SNTG1: variants seen among roughly 807,000 people sequenced by gnomAD.
SNTG1 encodes gamma-1-syntrophin.
A neutral mutation model predicts 74.7 loss-of-function variants in SNTG1; 39 were observed. The observed-to-expected ratio is 0.52, with a 90% CI of 0.40 to 0.68. The LOEUF (loss-of-function observed/expected upper bound fraction) is 0.68. Among genes scored for constraint, SNTG1 ranks in the 30% least tolerant of loss-of-function variants. The pLI, the probability that SNTG1 is intolerant of heterozygous loss-of-function variation, is 0.00. For missense variants in SNTG1, 685 were observed against 609.5 expected (o/e 1.12, Z -1.30); for synonymous variants, 254 against 217.1 (o/e 1.17, Z -1.49).
intron 2 of SNTG1, among the ~76,000 whole-genome samples, chr8:50,357,539 A>G (rs1436737989): frequency 6.6e-6 from 1 of 152,224 alleles, no homozygotes; most frequent in African/African-American, 2.4e-5. Context: ...CCTGTTACCA[A>G]GATGAATAGA....
intron 2 of SNTG1, among the ~76,000 whole-genome samples, chr8:50,179,847 C>T (rs2083136567): frequency 6.6e-6 from 1 of 152,120 alleles, no homozygotes; most frequent in Non-Finnish European, 1.5e-5. Context: ...TAAATTGGAA[C>T]AGCTATTGTG....
At chr8:50,315,653 A>C (rs1259299680) in intron 2 of SNTG1, among the ~76,000 whole-genome samples, 1 of 142,142 alleles carries the variant, frequency 7.0e-6, no homozygotes, top group Non-Finnish European at 1.5e-5. Context: ...GCATACTTCA[A>C]GTATGTAGTG....
chr8:49,995,120 A>C (rs1814084308), intron 1 of SNTG1, among the ~76,000 whole-genome samples: 1 of 152,206 alleles, frequency 6.6e-6, no homozygotes, highest in South Asian at 2.1e-4. Flanking sequence ...TAAGAGAAGA[A>C]GAAATAATCA....
chr8:50,086,701 A>G (rs1050061500), intron 1 of SNTG1, among the ~76,000 whole-genome samples: 6 of 152,154 alleles, frequency 3.9e-5, no homozygotes, highest in Admixed American at 6.6e-5. Context: ...GTTCATAACT[A>G]GAGACATGGA....
chr8:49,955,964 T>C (rs1451383913), intron 1 of SNTG1, among the ~76,000 whole-genome samples: 1 of 152,200 alleles, frequency 6.6e-6, no homozygotes, highest in African/African-American at 2.4e-5. Flanking sequence ...TTCTATGCCA[T>C]GTTTCTTCTG....
At chr8:50,319,682 A>G (rs895292141) in intron 2 of SNTG1, among the ~76,000 whole-genome samples, 1 of 152,140 alleles carries the variant, frequency 6.6e-6, no homozygotes, top group Non-Finnish European at 1.5e-5. Flanking sequence ...GTTTTTCCCC[A>G]TTCAGTATGA....
chr8:49,989,432 T>C (rs943518951), intron 1 of SNTG1, among the ~76,000 whole-genome samples: 42 of 151,972 alleles, frequency 2.8e-4, no homozygotes, highest in Non-Finnish European at 5.9e-4. Flanking sequence ...ATATAAGCAG[T>C]TAACAGATTG....
intron 2 of SNTG1, among the ~76,000 whole-genome samples, chr8:50,291,549 G>C (rs2089110861): frequency 6.6e-6 from 1 of 152,142 alleles, no homozygotes; most frequent in Non-Finnish European, 1.5e-5. Flanking sequence ...ATGACCTCAG[G>C]AAAGTTGCAG....
intron 4 of SNTG1, among the ~76,000 whole-genome samples, chr8:50,409,817 A>C (rs949254587): frequency 6.6e-6 from 1 of 151,730 alleles, no homozygotes; most frequent in Non-Finnish European, 1.5e-5. Context: ...CAAGATGGCT[A>C]TCTATTTCCC....
intron 3 of SNTG1, 58 bp downstream of exon 3, chr8:50,394,323 C>T: frequency 6.4e-7 from 1 of 1,554,734 alleles, no homozygotes; most frequent in East Asian, 2.3e-5. Context: ...GCGGGAAACA[C>T]TTGGCTCCAA....
At chr8:50,699,021 G>A (rs2095414506) in intron 15 of SNTG1, among the ~76,000 whole-genome samples, 1 of 152,064 alleles carries the variant, frequency 6.6e-6, no homozygotes, top group Non-Finnish European at 1.5e-5. Flanking sequence ...TTCTCTCTTG[G>A]ATAATATGTT....
intron 13 of SNTG1, among the ~76,000 whole-genome samples, chr8:50,638,209 G>T (rs1223926273): frequency 6.6e-6 from 1 of 152,018 alleles, no homozygotes; most frequent in Non-Finnish European, 1.5e-5. Flanking sequence ...TTCTTGAATG[G>T]AATGAAGCCT....
At position 49,978,910 on chromosome 8, in the gene SNTG1, C is replaced by T. The variant is rs74477334; in HGVS notation, c.-103+66679C>T. ...AGTCCTGGGTCTGCCTGACCCTAGA[C>T]GTCAGTGTCACTAACCACTATGTTA... On this transcript the variant is annotated intron_variant, in intron 1 of 18. Transcript: ENST00000642720. Among the ~76,000 whole-genome samples, 1,128 of 152,212 alleles carry T rather than the reference C, an allele frequency of 7.4e-3. 16 individuals carry two copies. Among genetic ancestry groups the T allele is most frequent in the African/African-American group, 0.025 (1,056 of 41,542 alleles).
chr8:50,364,029 A>G lies in SNTG1; in HGVS notation c.-27-30183A>G, dbSNP rs568084239. 4.6e-5 allele frequency among the ~76,000 whole-genome samples: 7 copies of G among 152,282 alleles called. No individual in the cohort carries two copies. The South Asian group carries it at 6.2e-4, about 14-fold the overall frequency. On this transcript the variant is annotated intron_variant, in intron 2 of 18. Transcript: ENST00000642720. ...TGCACCAATCCCTGAGGCCCTCCCT[A>G]TGACACCAACCTGGAAGCTCTCAGA...
At chr8:50,249,247 C>T (rs2086536480) in intron 2 of SNTG1, among the ~76,000 whole-genome samples, 1 of 152,186 alleles carries the variant, frequency 6.6e-6, no homozygotes, top group East Asian at 1.9e-4. Context: ...AACCCATCCC[C>T]AGGGCAGGAG....
intron 2 of SNTG1, among the ~76,000 whole-genome samples, chr8:50,331,481 T>C (rs985953205): frequency 2.6e-5 from 4 of 152,106 alleles, no homozygotes; most frequent in Admixed American, 6.5e-5. Context: ...TCTGGAAGAA[T>C]CAAACAAGAG....
intron 3 of SNTG1, among the ~76,000 whole-genome samples, chr8:50,401,308 G>T (rs965034277): frequency 6.6e-6 from 1 of 152,124 alleles, no homozygotes; most frequent in African/African-American, 2.4e-5. Flanking sequence ...GGAATGTTAA[G>T]TGCACTTTCT....
At chr8:50,035,265 C>G (rs1818057775) in intron 1 of SNTG1, among the ~76,000 whole-genome samples, 1 of 152,156 alleles carries the variant, frequency 6.6e-6, no homozygotes, top group South Asian at 2.1e-4. Flanking sequence ...CAAGTGCCCC[C>G]ACTCCATGTC....
chr8:50,789,103 G>A (rs73677526), intron 18 of SNTG1, among the ~76,000 whole-genome samples: 3,023 of 151,948 alleles, frequency 0.02, 95 homozygotes, highest in African/African-American at 0.065. Flanking sequence ...GAAGCTGCTT[G>A]TAGTAGACTT....
Sources: gnomAD v4.1 joint callset for allele counts (sites outside exome capture counted in the v4.1 genomes callset) on GRCh38, gnomAD v4.1.1 for gene constraint, MANE v1.5 for transcripts, NCBI Gene and HGNC (gene_info 2026-07-23, HGNC 2026-07-21) for gene names.